ERFE: variants seen among roughly 807,000 people sequenced by gnomAD.
ERFE encodes erythroferrone.
In ERFE, 25 loss-of-function variants were observed where a neutral mutation model predicts 26.6. That is an observed-to-expected ratio of 0.94 (90% CI 0.69 to 1.31). The LOEUF is 1.31. Ranked by LOEUF, ERFE falls within the 40% of genes most tolerant of loss-of-function variation. The pLI, the probability that ERFE is intolerant of heterozygous loss-of-function variation, is 0.00. For synonymous variants in ERFE, 206 were observed against 204.5 expected (o/e 1.01, Z -0.06); for missense variants, 447 against 440.2 (o/e 1.02, Z -0.14).
chr2:238,164,427 A>T (rs1207510868), intron 6 of ERFE, 67 bp downstream of exon 6: 8 of 1,469,496 alleles, frequency 5.4e-6, no homozygotes, highest in Non-Finnish European at 7.4e-6. Flanking sequence ...GAGGTGGTTA[A>T]ACAGGCACTG....
In ERFE at chr2:238,164,144, G is replaced by A. The variant is rs1282198232; in HGVS notation, c.757G>A (p.Val253Met). Residue 253 changes from valine (V) to methionine (M), a missense_variant, in exon 5 of 8, where the codon GTG becomes ATG. Val to Met is a conservative substitution (Grantham distance 21). Coordinates refer to ENST00000546354, the MANE Select transcript of ERFE (RefSeq NM_001291832.2). ...GACCAGCGGCCAGTACAGGGCGCCC[G>A]TGGCTGGCTTCTACGCTCTCGCCGC... ...NLTSGQYRAP[V>M]AGFYALAATL... The A allele has an allele frequency of 2.1e-6, 3 of 1,460,794 alleles. No homozygotes were observed. Among genetic ancestry groups the A allele is most frequent in the African/African-American group, 1.5e-5 (1 of 67,546 alleles). The allele number at this position is 1,460,794 out of a possible 1,614,324, so 90.5% of individuals were successfully genotyped here.
intron 6 of ERFE, among the ~76,000 whole-genome samples, 191 bp from the exon 7 acceptor site, chr2:238,165,415 G>A (rs1018587861): frequency 1.3e-5 from 2 of 152,204 alleles, no homozygotes; most frequent in African/African-American, 4.8e-5. Context: ...TCCCAATACA[G>A]CAAGCATGCC....
rs1027270527 is a variant in ERFE, at chr2:238,158,996, ACCGCCGCCCGCATGGCCCCGGC to A, written c.-2_20del. On this transcript the variant is annotated start_lost and 5_prime_UTR_variant, in exon 1 of 8. Transcript: ENST00000546354. The stretch of plus-strand genomic sequence containing the variant: ...ACGCCGCGCTCGGAGCCGCGAGGGA[ACCGCCGCCCGCATGGCCCCGGC>A]CCGCCGCCCCGCCGGAGCCCGCCTG... 1.2e-5 allele frequency: 3 copies of A among 250,354 alleles called. No individual in the cohort carries two copies. The highest frequency in any genetic ancestry group is 2.3e-5 in the Non-Finnish European group (3 of 132,944). 15.5% of individuals were successfully genotyped at this position (250,354 alleles called of 1,614,324 possible).
Position 238,164,172 on chromosome 2 carries a change from C to T in ERFE, c.785C>T (p.Thr262Met), listed in dbSNP as rs1176082225. 1.4e-6 allele frequency: 2 copies of T among 1,443,144 alleles called. No individual in the cohort carries two copies. The highest frequency in any genetic ancestry group is 2.9e-5 in the East Asian group (1 of 34,772). The allele number at this position is 1,443,144 out of a possible 1,614,324, so 89.4% of individuals were successfully genotyped here. Reference sequence around the variant, plus strand: ...GCTGGCTTCTACGCTCTCGCCGCCACGCTGCACGTGGGTGAGGCCCGGGGC... The same window carrying T: ...GCTGGCTTCTACGCTCTCGCCGCCATGCTGCACGTGGGTGAGGCCCGGGGC... ...PVAGFYALAA[T>M]LHVALGEPPR... is the part of the protein sequence containing the mutation. Residue 262 changes from threonine to methionine, a missense_variant, in exon 5 of 8, where the codon ACG becomes ATG. Coordinates refer to ENST00000546354, the MANE Select transcript of ERFE (RefSeq NM_001291832.2).
intron 1 of ERFE, among the ~76,000 whole-genome samples, chr2:238,160,143 T>C (rs918951730): frequency 2.6e-5 from 4 of 152,210 alleles, no homozygotes; most frequent in Non-Finnish European, 4.4e-5. Context: ...CTCAGGGGCT[T>C]CCAGGTGGAG....
In ERFE at chr2:238,161,710, G is replaced by A; in HGVS notation, c.315G>A (p.Lys105=). ...AGAGGAGCAGGGGCAAGGCCAAGAAGCTGAAGGTGAGGCCGGCATCCCGTC... is the reference window on the plus strand; with the variant it reads ...AGAGGAGCAGGGGCAAGGCCAAGAAACTGAAGGTGAGGCCGGCATCCCGTC... ...GKKRSRGKAK[K]LKFGLPGPPG... The change falls in exon 2 of 8, where the codon AAG becomes AAA. Residue 105 remains lysine, a synonymous_variant. Transcript: ENST00000546354. The A allele has an allele frequency of 6.5e-7, 1 of 1,542,696 alleles. No homozygotes were observed. The highest frequency in any genetic ancestry group is 1.2e-5 in the South Asian group (1 of 83,676).
At chr2:238,160,504 T>C (rs1559281194) in intron 1 of ERFE, among the ~76,000 whole-genome samples, 1 of 152,048 alleles carries the variant, frequency 6.6e-6, no homozygotes, top group Non-Finnish European at 1.5e-5. Flanking sequence ...AGCCAGCAGG[T>C]GGTGCAGTTG....
Position 238,167,537 on chromosome 2 carries a change from ACTG to A in ERFE, c.*486_*488del, listed in dbSNP as rs1693064075. 1 of 443,334 alleles carries A rather than the reference ACTG, an allele frequency of 2.3e-6. No individual in the cohort carries two copies. Among genetic ancestry groups the A allele is most frequent in the Non-Finnish European group, 4.6e-6 (1 of 219,622 alleles). The allele number at this position is 443,334 out of a possible 1,614,324, so 27.5% of individuals were successfully genotyped here. A position where few individuals can be genotyped will look rare whatever the true frequency, so the allele number is the denominator to read the frequency against. On this transcript the variant is annotated 3_prime_UTR_variant, in exon 8 of 8. Transcript: ENST00000546354. ...ACAGGGACGTACGCTGTGTGTTCTTACTGCTTAGAAGGGACGGGGTCACTCACC... is the reference window on the plus strand; with the variant it reads ...ACAGGGACGTACGCTGTGTGTTCTTACTTAGAAGGGACGGGGTCACTCACC...
chr2:238,159,876 G>A (rs1302308160), intron 1 of ERFE, among the ~76,000 whole-genome samples: 1 of 152,224 alleles, frequency 6.6e-6, no homozygotes, highest in Non-Finnish European at 1.5e-5. Context: ...CTGCCCCAGG[G>A]AAGCCGGGGT....
intron 7 of ERFE, among the ~76,000 whole-genome samples, chr2:238,166,440 G>T (rs1472656677): frequency 6.6e-6 from 1 of 152,210 alleles, no homozygotes; most frequent in Non-Finnish European, 1.5e-5. Context: ...TGGATCTTAA[G>T]ATGCAGATCC....
rs896586845 is a variant in ERFE at position 238,168,587 on chromosome 2, A to C, written c.*1533A>C. The C allele has an allele frequency of 1.5e-5, 6 of 398,800 alleles. No homozygotes were observed. In the Admixed American group the frequency reaches 1.9e-4, roughly 12 times the overall value. 24.7% of individuals were successfully genotyped at this position (398,800 alleles called of 1,614,324 possible). On this transcript the variant is annotated 3_prime_UTR_variant, in exon 8 of 8. Transcript: ENST00000546354. Reference sequence around the variant, plus strand: ...AAACATCTCCATCCCCAAGTGCAGTAACACACAAAAACCAAACACTCTGCC... The same window carrying C: ...AAACATCTCCATCCCCAAGTGCAGTCACACACAAAAACCAAACACTCTGCC...
Position 238,163,896 on chromosome 2 carries a change from C to A in ERFE, c.584C>A (p.Pro195Gln), listed in dbSNP as rs932289170. ...VLALLAAPLA[P>Q]GPRAPRVEAA... ...GCACTGCTGGCCGCGCCCCTGGCCC[C>A]GGGGCCGCGGGCGCCGCGCGTGGAG... Residue 195 changes from proline (P) to glutamine (Q), a missense_variant, in exon 4 of 8, where the codon CCG becomes CAG. Transcript: ENST00000546354. The A allele has an allele frequency of 2.6e-5, 34 of 1,319,110 alleles. 1 individual carries two copies. In the Middle Eastern group the frequency reaches 9.3e-4, roughly 36 times the overall value. 81.7% of individuals were successfully genotyped at this position (1,319,110 alleles called of 1,614,324 possible).
chr2:238,162,870 C>A, intron 3 of ERFE, 32 bp downstream of exon 3: 1 of 1,506,086 alleles, frequency 6.6e-7, no homozygotes. Flanking sequence ...GACACACACA[C>A]CCCGCTGTGA....
Position 238,164,008 on chromosome 2 carries a change from C to T in ERFE, c.687+9C>T. ...TTGGCGTCTACTACCTGGTGAGTGCCGGCGCGCGGGAGGGCGGGTGAGTCC... is the reference window on the plus strand; with the variant it reads ...TTGGCGTCTACTACCTGGTGAGTGCTGGCGCGCGGGAGGGCGGGTGAGTCC... On this transcript the variant is annotated intron_variant, in intron 4 of 7. Transcript: ENST00000546354. The T allele has an allele frequency of 7.3e-7, 1 of 1,376,210 alleles. No individual in the cohort carries two copies. The highest frequency in any genetic ancestry group is 9.3e-7 in the Non-Finnish European group (1 of 1,071,806). 85.2% of individuals were successfully genotyped at this position (1,376,210 alleles called of 1,614,324 possible).
rs1251044892 is a variant in ERFE, at chr2:238,163,952, G to A, written c.640G>A (p.Ala214Thr). The change falls in exon 4 of 8, where the codon GCG becomes ACG. Residue 214 changes from alanine (A) to threonine (T), a missense_variant. Ala to Thr is a moderately conservative substitution (Grantham distance 58). Transcript: ENST00000546354. ...TTTCCTCTGCCGCCTGCGCCGGGAC[G>A]CGTTGGTGGAGCGGCGCGCGCTGCA... ...AAFLCRLRRD[A>T]LVERRALHEL... 7.3e-6 allele frequency: 10 copies of A among 1,376,780 alleles called. No individual in the cohort carries two copies. The highest frequency in any genetic ancestry group is 7.5e-6 in the Non-Finnish European group (8 of 1,071,948). 85.3% of individuals were successfully genotyped at this position (1,376,780 alleles called of 1,614,324 possible). A position where few individuals can be genotyped will look rare whatever the true frequency, so the allele number is the denominator to read the frequency against.
In ERFE at chr2:238,162,333, A is replaced by G. The variant is rs542135468; in HGVS notation, c.322-403A>G. On this transcript the variant is annotated intron_variant, in intron 2 of 7. Coordinates refer to ENST00000546354, the MANE Select transcript of ERFE (RefSeq NM_001291832.2). Reference sequence around the variant, plus strand: ...GGCCCTGCCCTAAGCTTCTCCCCACAGGGGGCTCACTGGCTTCTGGTTCGG... The same window carrying G: ...GGCCCTGCCCTAAGCTTCTCCCCACGGGGGGCTCACTGGCTTCTGGTTCGG... Among the ~76,000 whole-genome samples the G allele has an allele frequency of 4.6e-5, 7 of 152,274 alleles. No homozygotes were observed. In the South Asian group the frequency reaches 1.4e-3, roughly 32 times the overall value.
Position 238,168,645 on chromosome 2 carries a change from C to T in ERFE, c.*1591C>T, listed in dbSNP as rs771206576. Reference sequence around the variant, plus strand: ...AGGCCTGGTGCGATTCTCAGTAGGACTCACACCCACCCTACCTAGAAGTAC... The same window carrying T: ...AGGCCTGGTGCGATTCTCAGTAGGATTCACACCCACCCTACCTAGAAGTAC... On this transcript the variant is annotated 3_prime_UTR_variant, in exon 8 of 8. Coordinates refer to ENST00000546354, the MANE Select transcript of ERFE (RefSeq NM_001291832.2). 8.3e-6 allele frequency: 3 copies of T among 360,718 alleles called. No individual in the cohort carries two copies. The highest frequency in any genetic ancestry group is 1.7e-5 in the Non-Finnish European group (3 of 179,720). 22.3% of individuals were successfully genotyped at this position (360,718 alleles called of 1,614,324 possible).
Position 238,161,824 on chromosome 2 carries a change from G to T in ERFE, c.321+108G>T, listed in dbSNP as rs183162143. 8.8e-6 allele frequency: 12 copies of T among 1,364,696 alleles called. No individual in the cohort carries two copies. In the Admixed American group the frequency reaches 2.1e-4, roughly 24 times the overall value. 84.5% of individuals were successfully genotyped at this position (1,364,696 alleles called of 1,614,324 possible). A position where few individuals can be genotyped will look rare whatever the true frequency, so the allele number is the denominator to read the frequency against. On this transcript the variant is annotated intron_variant, in intron 2 of 7. Coordinates refer to ENST00000546354, the MANE Select transcript of ERFE (RefSeq NM_001291832.2). ...ACATTTCCAATAGCACACCCCTCAC[G>T]CCTCGGCCTGGGGACAGAGAACAGA...
Position 238,168,687 on chromosome 2 carries a change from C to G in ERFE, c.*1633C>G, listed in dbSNP as rs996711529. 3.1e-6 allele frequency: 1 copy of G among 325,498 alleles called. No homozygotes were observed. The highest frequency in any genetic ancestry group is 2.4e-5 in the South Asian group (1 of 41,362). The allele number at this position is 325,498 out of a possible 1,614,324, so 20.2% of individuals were successfully genotyped here. A position where few individuals can be genotyped will look rare whatever the true frequency, so the allele number is the denominator to read the frequency against. On this transcript the variant is annotated 3_prime_UTR_variant, in exon 8 of 8. Coordinates refer to ENST00000546354, the MANE Select transcript of ERFE (RefSeq NM_001291832.2). ...TAGAAGTACTGGGCTGGCCTGGGTA[C>G]TGCATCCGTGTGTTTTGATAAGGGG...
Sources: gnomAD v4.1 joint callset for allele counts (sites outside exome capture counted in the v4.1 genomes callset) on GRCh38, gnomAD v4.1.1 for gene constraint, MANE v1.5 for transcripts, NCBI Gene and HGNC (gene_info 2026-07-23, HGNC 2026-07-21) for gene names.